The following NRXN1 variants were observed in gnomAD, a reference collection of about 807,000 sequenced individuals.
NRXN1 encodes the protein neurexin 1, also known as neurexin-1.
In NRXN1, 39 loss-of-function variants were observed where a neutral mutation model predicts 150.9. That is an observed-to-expected ratio of 0.26 (90% CI 0.20 to 0.34). NRXN1 has a LOEUF of 0.34. Ranked by LOEUF, NRXN1 falls within the 10% of genes least tolerant of loss-of-function variation. The pLI, the probability that NRXN1 is intolerant of heterozygous loss-of-function variation, is 1.00. For missense variants in NRXN1, 1,815 were observed against 1,949.9 expected (o/e 0.93, Z 1.30); for synonymous variants, 924 against 757.0 (o/e 1.22, Z -3.62).
At chr2:50,652,185 T>C (rs1016449368) in intron 5 of NRXN1, among the ~76,000 whole-genome samples, 8 of 152,092 alleles carry the variant, frequency 5.3e-5, no homozygotes, top group African/African-American at 1.7e-4. Context: ...TTCCTTCTTT[T>C]ACCTCCAGGC....
chr2:50,694,555 A>G (rs1401354670), intron 5 of NRXN1, among the ~76,000 whole-genome samples: 2 of 152,166 alleles, frequency 1.3e-5, no homozygotes, highest in African/African-American at 4.8e-5. Flanking sequence ...TCAAGGTTGA[A>G]CACTCAAGAA....
At chr2:50,564,122 A>G (rs1020677802) in intron 8 of NRXN1, among the ~76,000 whole-genome samples, 1 of 152,232 alleles carries the variant, frequency 6.6e-6, no homozygotes, top group Non-Finnish European at 1.5e-5. Flanking sequence ...CTGCATTGCT[A>G]CTTAACTACT....
At chr2:50,078,389 T>C (rs1697404854) in intron 19 of NRXN1, among the ~76,000 whole-genome samples, 2 of 151,986 alleles carry the variant, frequency 1.3e-5, no homozygotes, top group African/African-American at 4.8e-5. Context: ...AAAAAAATCT[T>C]ATAGAATGAG....
Position 50,361,427 on chromosome 2 carries a change from G to T in NRXN1, c.3364+104015C>A, listed in dbSNP as rs565470048. Among the ~76,000 whole-genome samples the T allele has an allele frequency of 7.2e-5, 11 of 151,886 alleles. 1 individual carries two copies. Among genetic ancestry groups the T allele is most frequent in the African/African-American group, 2.7e-4 (11 of 41,408 alleles). On this transcript the variant is annotated intron_variant, in intron 17 of 22. Transcript: ENST00000401669. ...AGACACAATAAAAAAATGATAAAGG[G>T]GATATCACCACTGATCCCACAGATA...
chr2:50,283,686 G>T (rs947917656), intron 17 of NRXN1, among the ~76,000 whole-genome samples: 1 of 151,964 alleles, frequency 6.6e-6, no homozygotes, highest in South Asian at 2.1e-4. Flanking sequence ...CTTTTCTACT[G>T]CACATAACTG....
chr2:50,596,754 CCCA>C (rs1435090147), intron 8 of NRXN1, among the ~76,000 whole-genome samples: 1 of 152,090 alleles, frequency 6.6e-6, no homozygotes, highest in Non-Finnish European at 1.5e-5. Flanking sequence ...CTTCAGGAGC[CCCA>C]CCTGACATGG....
chr2:49,993,448 G>A (rs1276428598), intron 21 of NRXN1, among the ~76,000 whole-genome samples: 2 of 152,208 alleles, frequency 1.3e-5, no homozygotes, highest in Non-Finnish European at 2.9e-5. Context: ...TTTTAGGTCT[G>A]TGAAAATACT....
chr2:50,228,252 A>C (rs2064594634), intron 18 of NRXN1, among the ~76,000 whole-genome samples: 1 of 152,108 alleles, frequency 6.6e-6, no homozygotes, highest in African/African-American at 2.4e-5. Flanking sequence ...AATTGTATTT[A>C]GTAAAACTAA....
chr2:50,292,806 T>G (rs954384119), intron 17 of NRXN1, among the ~76,000 whole-genome samples: 1 of 152,210 alleles, frequency 6.6e-6, no homozygotes, highest in Non-Finnish European at 1.5e-5. Flanking sequence ...TTAAATTATC[T>G]TTTAAACAAT....
intron 17 of NRXN1, among the ~76,000 whole-genome samples, chr2:50,436,177 G>A (rs976852214): frequency 1.3e-5 from 2 of 152,094 alleles, no homozygotes; most frequent in African/African-American, 4.8e-5. Flanking sequence ...CACAAGGCTG[G>A]GCATGGTAGC....
At chr2:50,607,486 A>C (rs1212495038) in intron 8 of NRXN1, among the ~76,000 whole-genome samples, 10 of 152,200 alleles carry the variant, frequency 6.6e-5, no homozygotes, top group African/African-American at 9.6e-5. Context: ...TCCAAGGAAG[A>C]GTTTACTTTC....
intron 17 of NRXN1, among the ~76,000 whole-genome samples, chr2:50,345,978 T>C (rs1263221420): frequency 6.6e-6 from 1 of 152,166 alleles, no homozygotes; most frequent in Non-Finnish European, 1.5e-5. Context: ...TCAGCCTAAT[T>C]ACCAAGAAAA....
intron 18 of NRXN1, among the ~76,000 whole-genome samples, chr2:50,162,548 A>G (rs1192647785): frequency 6.6e-6 from 1 of 152,164 alleles, no homozygotes; most frequent in Non-Finnish European, 1.5e-5. Flanking sequence ...AAATGGAACC[A>G]GAAGATTAAG....
chr2:50,301,353 G>C (rs2074131967), intron 17 of NRXN1, among the ~76,000 whole-genome samples: 1 of 152,136 alleles, frequency 6.6e-6, no homozygotes, highest in African/African-American at 2.4e-5. Flanking sequence ...CAAGCACTGA[G>C]AGGTTATATG....
At chr2:50,403,352 A>G (rs933930824) in intron 17 of NRXN1, among the ~76,000 whole-genome samples, 1 of 152,116 alleles carries the variant, frequency 6.6e-6, no homozygotes, top group African/African-American at 2.4e-5. Flanking sequence ...CTGGGAGCTT[A>G]TTAGAAATAA....
intron 18 of NRXN1, among the ~76,000 whole-genome samples, chr2:50,143,832 A>T (rs1707620625): frequency 6.6e-6 from 1 of 151,784 alleles, no homozygotes; most frequent in African/African-American, 2.4e-5. Context: ...TTGCTCAGTG[A>T]TTTTTTAATG....
intron 2 of NRXN1, among the ~76,000 whole-genome samples, chr2:50,974,022 G>T (rs1175850471): frequency 1.3e-5 from 2 of 152,008 alleles, no homozygotes; most frequent in Non-Finnish European, 2.9e-5. Context: ...TAAAAATCAT[G>T]AAATTATTTG....
intron 5 of NRXN1, among the ~76,000 whole-genome samples, chr2:50,826,912 T>C (rs984411002): frequency 5.3e-5 from 8 of 152,258 alleles, no homozygotes; most frequent in South Asian, 2.1e-4. Context: ...CAGTACTGAA[T>C]CACCTTCAGA....
chr2:50,433,284 CATT>C (rs1189388554), intron 17 of NRXN1, among the ~76,000 whole-genome samples: 7 of 152,010 alleles, frequency 4.6e-5, no homozygotes, highest in Admixed American at 1.3e-4. Context: ...TAATTGTGTC[CATT>C]ATTATTTGCA....
Sources: allele counts gnomAD v4.1 joint callset (sites outside exome capture counted in the v4.1 genomes callset), GRCh38; gene constraint gnomAD v4.1.1; transcripts MANE v1.5; gene names NCBI Gene and HGNC (gene_info 2026-07-23, HGNC 2026-07-21).